ARHGAP26: variants seen among roughly 807,000 people sequenced by gnomAD.
ARHGAP26 encodes rho GTPase-activating protein 26.
In ARHGAP26, 38 loss-of-function variants were observed where a neutral mutation model predicts 104.8. The observed-to-expected ratio is 0.36, with a 90% confidence interval of 0.28 to 0.48. ARHGAP26 has a LOEUF of 0.48. ARHGAP26 is among the 20% of genes least tolerant of loss of function. ARHGAP26 has a pLI of 0.99. For missense variants in ARHGAP26, 704 were observed against 947.9 expected, an observed-to-expected ratio of 0.74 and a Z score of 3.38; for synonymous variants, 341 against 340.0, an observed-to-expected ratio of 1.00 and a Z score of -0.03.
chr5:143,205,206 T>TAA (rs1808377107), intron 20 of ARHGAP26, among the ~76,000 whole-genome samples: 2 of 152,182 alleles, frequency 1.3e-5, no homozygotes, highest in South Asian at 4.1e-4. Context: ...CTGTTGTTTT[T>TAA]AAATCTGTCG....
chr5:142,872,202 A>G lies in ARHGAP26; in HGVS notation c.155-1198A>G, dbSNP rs546062452. Among the ~76,000 whole-genome samples the G allele has an allele frequency of 2.6e-5, 4 of 151,806 alleles. No individual in the cohort carries two copies. In the East Asian group the frequency reaches 5.8e-4, roughly 22 times the overall value. On this transcript the variant is annotated intron_variant, in intron 1 of 22. Coordinates refer to ENST00000645722, the MANE Select transcript of ARHGAP26 (RefSeq NM_001135608.3). ...GCCAGGTACACAGAGGAAACAAACC[A>G]AAACAAACAGAAAGGTGGAAAACAC... is the stretch of plus-strand genomic sequence containing the variant.
chr5:142,992,970 A>G (rs567119269), intron 11 of ARHGAP26, among the ~76,000 whole-genome samples: 1 of 151,958 alleles, frequency 6.6e-6, no homozygotes, highest in Non-Finnish European at 1.5e-5. Context: ...CCTGAGTCCT[A>G]AGTTCTTTAT....
intron 1 of ARHGAP26, among the ~76,000 whole-genome samples, chr5:142,824,871 G>A (rs938548466): frequency 2.6e-5 from 4 of 152,230 alleles, no homozygotes; most frequent in African/African-American, 9.6e-5. Flanking sequence ...AGGAGTGGGG[G>A]AGAATCTGGC....
At chr5:143,210,841 G>A (rs1232394489) in intron 21 of ARHGAP26, among the ~76,000 whole-genome samples, 4 of 152,210 alleles carry the variant, frequency 2.6e-5, no homozygotes, top group African/African-American at 7.2e-5. Flanking sequence ...GAACTAGCAG[G>A]AGGATCCCAA....
At chr5:142,931,802 C>A (rs895590043) in intron 10 of ARHGAP26, among the ~76,000 whole-genome samples, 1 of 152,182 alleles carries the variant, frequency 6.6e-6, no homozygotes, top group African/African-American at 2.4e-5. Context: ...ACGTCCCTTA[C>A]CTGTAAAATA....
chr5:143,152,786 A>G (rs1800003424), intron 20 of ARHGAP26, among the ~76,000 whole-genome samples: 1 of 152,250 alleles, frequency 6.6e-6, no homozygotes, highest in Admixed American at 6.5e-5. Flanking sequence ...GCCTCCTTAA[A>G]GATGACGGAT....
chr5:143,040,447 A>T (rs933744408), intron 13 of ARHGAP26, among the ~76,000 whole-genome samples: 4 of 152,160 alleles, frequency 2.6e-5, no homozygotes, highest in African/African-American at 9.7e-5. Context: ...GCCTTGATGG[A>T]GTATAATCTC....
rs1793121198 is a variant in ARHGAP26, at chr5:143,100,885, G to A, written c.1539-20103G>A. 2.0e-5 allele frequency among the ~76,000 whole-genome samples: 3 copies of A among 152,320 alleles called. 1 individual carries two copies. The South Asian group carries it at 6.2e-4, about 32-fold the overall frequency. On this transcript the variant is annotated intron_variant, in intron 17 of 22. Transcript: ENST00000645722. ...GCGGGAGGATCACTTAAGGTCAAGA[G>A]TTCGCGACCAGCCTGGCCAACATGG... is the stretch of plus-strand genomic sequence containing the variant.
At chr5:143,054,964 G>A (rs1251967427) in intron 15 of ARHGAP26, among the ~76,000 whole-genome samples, 1 of 152,146 alleles carries the variant, frequency 6.6e-6, no homozygotes, top group Non-Finnish European at 1.5e-5. Context: ...GAACTTAATG[G>A]AACTCCTTTT....
At chr5:142,978,041 G>A (rs1773378456) in intron 11 of ARHGAP26, among the ~76,000 whole-genome samples, 1 of 152,300 alleles carries the variant, frequency 6.6e-6, no homozygotes, top group South Asian at 2.1e-4. Context: ...TCAGTGATCC[G>A]ACATCTTGAA....
At chr5:142,910,972 A>G (rs1761751403) in intron 9 of ARHGAP26, among the ~76,000 whole-genome samples, 1 of 152,194 alleles carries the variant, frequency 6.6e-6, no homozygotes, top group Non-Finnish European at 1.5e-5. Context: ...TTCTTTTCCT[A>G]ACATGCTCTT....
chr5:143,214,109 CAAAGATATGGGCGGGGGGCGGGGGCAA>C, intron 22 of ARHGAP26, 21 bp downstream of exon 22: 1 of 1,031,004 alleles, frequency 9.7e-7, no homozygotes, highest in East Asian at 2.7e-5. Context: ...CATCCCCTCA[CAAAGATATGGGCGGGGGGCGGGGGCAA>C]GGGGAGCACA....
At chr5:143,168,839 A>G (rs1599341895) in intron 20 of ARHGAP26, 2 of 152,066 alleles carry the variant, frequency 1.3e-5, no homozygotes, top group African/African-American at 2.4e-5. Context: ...GACTTACAGA[A>G]AATGCCTGCT....
intron 11 of ARHGAP26, among the ~76,000 whole-genome samples, chr5:142,971,308 T>C (rs71590925): frequency 0.016 from 2,455 of 152,274 alleles, 68 homozygotes; most frequent in African/African-American, 0.053. Flanking sequence ...AAAACTAGCA[T>C]GCTTTTGAAG....
At chr5:142,873,562 A>G in intron 2 of ARHGAP26, 67 bp downstream of exon 2, 1 of 1,140,644 alleles carries the variant, frequency 8.8e-7, no homozygotes, top group Non-Finnish European at 1.2e-6. Flanking sequence ...GTCCCAGCAG[A>G]GCCTTTTCCC....
intron 11 of ARHGAP26, among the ~76,000 whole-genome samples, chr5:142,940,348 T>C (rs1766064511): frequency 2.0e-5 from 3 of 152,156 alleles, no homozygotes; most frequent in Admixed American, 1.3e-4. Flanking sequence ...GGTTCAGGGG[T>C]ACATGTGCAG....
chr5:142,808,236 G>GAAAAAA (rs58550799), intron 1 of ARHGAP26, among the ~76,000 whole-genome samples: 1 of 32,672 alleles, frequency 3.1e-5, no homozygotes, highest in African/African-American at 8.4e-5. Flanking sequence ...CATTGTCTCG[G>GAAAAAA]AAAAAAAAAA....
intron 20 of ARHGAP26, among the ~76,000 whole-genome samples, chr5:143,164,715 C>T (rs942876849): frequency 6.6e-6 from 1 of 152,136 alleles, no homozygotes; most frequent in African/African-American, 2.4e-5. Flanking sequence ...GCATAGAGAG[C>T]GCTGTTAGCC....
intron 11 of ARHGAP26, among the ~76,000 whole-genome samples, chr5:142,996,203 T>A (rs1175473211): frequency 6.6e-6 from 1 of 151,768 alleles, no homozygotes; most frequent in Non-Finnish European, 1.5e-5. Context: ...AAAATGAAAA[T>A]AGGTTTGTGG....
Sources: allele counts gnomAD v4.1 joint callset (sites outside exome capture counted in the v4.1 genomes callset), GRCh38; gene constraint gnomAD v4.1.1; transcripts MANE v1.5; gene names NCBI Gene and HGNC (gene_info 2026-07-23, HGNC 2026-07-21).